GALNTL6: variants seen among roughly 807,000 people sequenced by gnomAD.
GALNTL6 encodes the protein polypeptide N-acetylgalactosaminyltransferase-like 6.
In GALNTL6, 46 loss-of-function variants were observed where a neutral mutation model predicts 73.7. That is an observed-to-expected ratio of 0.62 (90% CI 0.49 to 0.80). GALNTL6 has a LOEUF of 0.80. GALNTL6 is among the 30% of genes least tolerant of loss of function. The probability of loss-of-function intolerance (pLI) is 0.00; values close to 1 mark genes in which losing one functional copy is unlikely to be tolerated. For missense variants in GALNTL6, 604 were observed against 755.0 expected (o/e 0.80, Z 2.34); for synonymous variants, 259 against 263.7 (o/e 0.98, Z 0.17).
chr4:172,008,859 C>T (rs1740915364), intron 2 of GALNTL6, among the ~76,000 whole-genome samples: 1 of 152,064 alleles, frequency 6.6e-6, no homozygotes, highest in Non-Finnish European at 1.5e-5. Flanking sequence ...GCGAATCTAC[C>T]TCTACTGCTT....
intron 2 of GALNTL6, among the ~76,000 whole-genome samples, chr4:172,178,652 CT>C (rs376927709): frequency 0.37 from 50,701 of 135,232 alleles, 7,310 homozygotes; most frequent in African/African-American, 0.44. Context: ...GACACATTTT[CT>C]TTTTTTTTTT....
intron 2 of GALNTL6, among the ~76,000 whole-genome samples, chr4:172,201,373 A>T (rs2110902243): frequency 6.6e-6 from 1 of 151,778 alleles, no homozygotes; most frequent in African/African-American, 2.4e-5. Flanking sequence ...CGCCTGGCTA[A>T]TTTTTTGTAT....
At chr4:173,007,851 C>T (rs1246141706) in intron 10 of GALNTL6, among the ~76,000 whole-genome samples, 2 of 151,978 alleles carry the variant, frequency 1.3e-5, no homozygotes, top group East Asian at 1.9e-4. Flanking sequence ...TCTGCCCAGA[C>T]TCTACTTCTG....
intron 10 of GALNTL6, among the ~76,000 whole-genome samples, chr4:172,976,581 A>G (rs1047281179): frequency 2.6e-5 from 4 of 152,256 alleles, no homozygotes; most frequent in African/African-American, 9.6e-5. Context: ...TAACATTGAC[A>G]CAAAATAGAT....
At chr4:171,861,014 A>G (rs1328945690) in intron 2 of GALNTL6, among the ~76,000 whole-genome samples, 1 of 152,160 alleles carries the variant, frequency 6.6e-6, no homozygotes, top group Non-Finnish European at 1.5e-5. Context: ...GTACCTGTTC[A>G]GTTCATTTCT....
intron 5 of GALNTL6, among the ~76,000 whole-genome samples, chr4:172,579,434 G>A (rs1482640627): frequency 6.6e-6 from 1 of 152,138 alleles, no homozygotes; most frequent in African/African-American, 2.4e-5. Context: ...AGTAAAGTAA[G>A]CCTTCCACAT....
intron 5 of GALNTL6, among the ~76,000 whole-genome samples, chr4:172,570,919 C>G (rs961859639): frequency 1.3e-5 from 2 of 152,008 alleles, no homozygotes; most frequent in African/African-American, 2.4e-5. Context: ...AATCTAGATC[C>G]CTCTCTTGAG....
At chr4:172,960,156 G>A (rs562654795) in intron 10 of GALNTL6, among the ~76,000 whole-genome samples, 1 of 152,348 alleles carries the variant, frequency 6.6e-6, no homozygotes, top group East Asian at 1.9e-4. Context: ...GTCTAGGGCT[G>A]TAAAGCGTCT....
intron 2 of GALNTL6, among the ~76,000 whole-genome samples, chr4:171,878,956 C>A (rs562994474): frequency 6.6e-6 from 1 of 152,274 alleles, no homozygotes; most frequent in South Asian, 2.1e-4. Context: ...CACCTTCTGC[C>A]AGGATTACAA....
In GALNTL6 at chr4:172,274,833, T is replaced by A. The variant is rs150160836; in HGVS notation, c.248-36781T>A. On this transcript the variant is annotated intron_variant, in intron 3 of 12. Coordinates refer to ENST00000506823, the MANE Select transcript of GALNTL6 (RefSeq NM_001034845.3). Reference sequence around the variant, plus strand: ...ACCTTCTTAATGCCTTACATTTTCATGTCAGATCAAAGGTTTCAAAATGAG... The same window carrying A: ...ACCTTCTTAATGCCTTACATTTTCAAGTCAGATCAAAGGTTTCAAAATGAG... Among the ~76,000 whole-genome samples the A allele has an allele frequency of 1.4e-4, 22 of 152,344 alleles. No homozygotes were observed. In the East Asian group the frequency reaches 3.9e-3, roughly 27 times the overall value.
chr4:172,558,362 C>T (rs1736221951), intron 5 of GALNTL6, among the ~76,000 whole-genome samples: 1 of 151,954 alleles, frequency 6.6e-6, no homozygotes. Context: ...AGCTCTAAAC[C>T]CCACTGTGAC....
intron 2 of GALNTL6, among the ~76,000 whole-genome samples, chr4:172,213,897 T>A (rs1457338153): frequency 6.6e-6 from 1 of 152,214 alleles, no homozygotes; most frequent in Non-Finnish European, 1.5e-5. Flanking sequence ...ACCCTAAGAT[T>A]TCGTGTAGGG....
chr4:172,604,830 G>C (rs1281201010), intron 5 of GALNTL6, among the ~76,000 whole-genome samples: 2 of 152,202 alleles, frequency 1.3e-5, no homozygotes, highest in Non-Finnish European at 2.9e-5. Flanking sequence ...ATATTTGAAA[G>C]TTGAAATAGC....
intron 2 of GALNTL6, among the ~76,000 whole-genome samples, chr4:172,213,160 G>T (rs1371451111): frequency 6.6e-6 from 1 of 151,830 alleles, no homozygotes; most frequent in African/African-American, 2.4e-5. Context: ...CCATTGTATA[G>T]ATGTTCCAAT....
Position 172,192,284 on chromosome 4 carries a change from C to T in GALNTL6, c.139-37372C>T, listed in dbSNP as rs142153466. Among the ~76,000 whole-genome samples, 1,516 of 151,982 alleles carry T rather than the reference C, an allele frequency of 1.0e-2. 29 individuals are homozygous for T. The highest frequency in any genetic ancestry group is 0.035 in the African/African-American group (1,441 of 41,422). On this transcript the variant is annotated intron_variant, in intron 2 of 12. Coordinates refer to ENST00000506823, the MANE Select transcript of GALNTL6 (RefSeq NM_001034845.3). ...TCAGAAAAACTGTATCCAATGGTTT[C>T]GATATGCAAAGACTTTGACAGACAA... is the stretch of plus-strand genomic sequence containing the variant.
At chr4:172,304,449 A>G (rs1310303024) in intron 3 of GALNTL6, among the ~76,000 whole-genome samples, 1 of 152,058 alleles carries the variant, frequency 6.6e-6, no homozygotes, top group Non-Finnish European at 1.5e-5. Context: ...AATTTGGGAA[A>G]TAGGTCCTGA....
intron 5 of GALNTL6, among the ~76,000 whole-genome samples, chr4:172,564,304 G>A (rs927357129): frequency 3.3e-5 from 5 of 152,168 alleles, no homozygotes; most frequent in Admixed American, 6.5e-5. Flanking sequence ...AAGAAAAAAG[G>A]TTGAGATATA....
chr4:172,557,713 G>T (rs1056119934), intron 5 of GALNTL6, among the ~76,000 whole-genome samples: 1 of 152,098 alleles, frequency 6.6e-6, no homozygotes, highest in African/African-American at 2.4e-5. Context: ...ATTCTAGAAT[G>T]GCTGACATTT....
At chr4:172,118,283 T>G (rs537456720) in intron 2 of GALNTL6, among the ~76,000 whole-genome samples, 30 of 152,200 alleles carry the variant, frequency 2.0e-4, no homozygotes, top group Non-Finnish European at 4.1e-4. Context: ...CCCTAAAGGC[T>G]GTAGGTTACT....
Sources: gnomAD v4.1 joint callset for allele counts (sites outside exome capture counted in the v4.1 genomes callset) on GRCh38, gnomAD v4.1.1 for gene constraint, MANE v1.5 for transcripts, NCBI Gene and HGNC (gene_info 2026-07-23, HGNC 2026-07-21) for gene names.